Variants in MYPN observed in about 807,000 individuals in gnomAD.
The protein encoded by MYPN is sarcomeric protein myopalladin, 145 kDa (MYOP).
In MYPN, 63 loss-of-function variants were observed where a neutral mutation model predicts 129.4. That is an observed-to-expected ratio of 0.49 (90% CI 0.40 to 0.60). MYPN has a LOEUF of 0.60. MYPN is among the 20% of genes least tolerant of loss of function. The probability of loss-of-function intolerance (pLI) is 0.00; values close to 1 mark genes in which losing one functional copy is unlikely to be tolerated. For missense variants in MYPN, 1,596 were observed against 1,635.4 expected (o/e 0.98, Z 0.42); for synonymous variants, 629 against 600.9 (o/e 1.05, Z -0.68).
intron 12 of MYPN, among the ~76,000 whole-genome samples, chr10:68,180,512 T>A (rs1490545959): frequency 1.3e-5 from 2 of 152,212 alleles, no homozygotes; most frequent in Non-Finnish European, 2.9e-5. Context: ...TAAGAATCCT[T>A]TCTTCTGTCT....
Position 68,141,499 on chromosome 10 carries a change from GTTA to G in MYPN, c.903-1436_903-1434del, listed in dbSNP as rs546800710. ...GCTACTTAATTTTTGACACTTAGTA[GTTA>G]TTATACCTCCCACTTAATTACTTTT... On this transcript the variant is annotated intron_variant, in intron 2 of 19. Coordinates refer to ENST00000358913, the MANE Select transcript of MYPN (RefSeq NM_032578.4). Among the ~76,000 whole-genome samples, 69 of 151,250 alleles carry G rather than the reference GTTA, an allele frequency of 4.6e-4. 2 individuals are homozygous for G. The South Asian group carries it at 0.014, about 31-fold the overall frequency.
chr10:68,119,683 A>T (rs1967082), intron 1 of MYPN, among the ~76,000 whole-genome samples: 70,150 of 152,016 alleles, frequency 0.46, 17,264 homozygotes, highest in African/African-American at 0.64. Context: ...AAGTGCTGGG[A>T]TCATAGGCGT....
rs1241260276 is a variant in MYPN at position 68,204,540 on chromosome 10, G to A, written c.3660-2230G>A. ...AGTTGGAGACCAGCCTGGCCAACAT[G>A]GCAAAACCCTGTCTCTACTATACAA... On this transcript the variant is annotated intron_variant, in intron 18 of 19. Coordinates refer to ENST00000358913, the MANE Select transcript of MYPN (RefSeq NM_032578.4). Among the ~76,000 whole-genome samples the A allele has an allele frequency of 3.3e-5, 5 of 152,046 alleles. No individual in the cohort carries two copies. In the East Asian group the frequency reaches 9.6e-4, roughly 29 times the overall value.
At chr10:68,156,879 GT>G (rs2042884241) in intron 6 of MYPN, among the ~76,000 whole-genome samples, 1 of 152,226 alleles carries the variant, frequency 6.6e-6, no homozygotes, top group South Asian at 2.1e-4. Flanking sequence ...TGCTTACAGA[GT>G]TTGTGGAGGA....
intron 8 of MYPN, among the ~76,000 whole-genome samples, chr10:68,163,580 G>T (rs1449071300): frequency 6.6e-6 from 1 of 152,120 alleles, no homozygotes; most frequent in Non-Finnish European, 1.5e-5. Flanking sequence ...AGTGAGCCAA[G>T]ATCACGCCAC....
chr10:68,199,351 G>C lies in MYPN; in HGVS notation c.3286-17G>C. The C allele has an allele frequency of 1.9e-6, 3 of 1,612,896 alleles. No individual in the cohort carries two copies. The highest frequency in any genetic ancestry group is 1.1e-5 in the South Asian group (1 of 91,022). On this transcript the variant is annotated splice_polypyrimidine_tract_variant and intron_variant, in intron 16 of 19. Transcript: ENST00000358913. ...CTGTCATCAGTCATGTGCCTCAGCT[G>C]TTCTGTTGTTTATTAGGTGAGTGGT... is the stretch of plus-strand genomic sequence containing the variant.
intron 11 of MYPN, among the ~76,000 whole-genome samples, chr10:68,175,020 C>T (rs537498984): frequency 6.6e-6 from 1 of 152,116 alleles, no homozygotes; most frequent in South Asian, 2.1e-4. Flanking sequence ...GCCTGTAATC[C>T]CAGCTACTCA....
At chr10:68,203,429 A>G (rs1377955874) in intron 18 of MYPN, among the ~76,000 whole-genome samples, 2 of 151,866 alleles carry the variant, frequency 1.3e-5, no homozygotes, top group Non-Finnish European at 2.9e-5. Context: ...TCTCTAAAAA[A>G]AAAAAATTAA....
Position 68,210,466 on chromosome 10 carries a change from G to C in MYPN, c.*11G>C. ...AGTGATGAACTTTAAGAATGTCTAG[G>C]TACCTGCTGTGTAAGAGAGCGGACT... On this transcript the variant is annotated 3_prime_UTR_variant, in exon 20 of 20. Coordinates refer to ENST00000358913, the MANE Select transcript of MYPN (RefSeq NM_032578.4). The C allele has an allele frequency of 1.2e-6, 2 of 1,613,866 alleles. No individual in the cohort carries two copies. The highest frequency in any genetic ancestry group is 1.7e-6 in the Non-Finnish European group (2 of 1,179,938).
At chr10:68,208,137 C>T (rs2043847167) in intron 19 of MYPN, among the ~76,000 whole-genome samples, 1 of 152,142 alleles carries the variant, frequency 6.6e-6, no homozygotes, top group Non-Finnish European at 1.5e-5. Context: ...AGACATATTT[C>T]TTAACCCAAA....
rs2042742128 is a variant in MYPN, at chr10:68,150,085, A to G, written c.1291A>G (p.Ile431Val). ...CTTGCAGGGATTGGATGGAAAACCT[A>G]TCATTGCAGCTCCTGTGTTTACAAA... ...NYLQGLDGKP[I>V]IAAPVFTKML... The change falls in exon 6 of 20, where the codon ATC (isoleucine) becomes GTC (valine). Residue 431 changes from isoleucine (I) to valine (V), a missense_variant. Physicochemically the swap from Ile to Val is conservative, Grantham distance 29 (BLOSUM62 3). Transcript: ENST00000358913. 1.2e-6 allele frequency: 2 copies of G among 1,613,804 alleles called. No homozygotes were observed.
In MYPN at chr10:68,185,741, T is replaced by A. The variant is rs72795428; in HGVS notation, c.2704-3164T>A. ...TGATTTATTGGTTTACTTCTAAACA[T>A]CCTGGAAAATAAACCCAAATTTATT... On this transcript the variant is annotated intron_variant, in intron 12 of 19. Coordinates refer to ENST00000358913, the MANE Select transcript of MYPN (RefSeq NM_032578.4). Among the ~76,000 whole-genome samples, 879 of 152,300 alleles carry A rather than the reference T, an allele frequency of 5.8e-3. 6 individuals carry two copies. The highest frequency in any genetic ancestry group is 0.01 in the Non-Finnish European group (685 of 68,040).
intron 12 of MYPN, among the ~76,000 whole-genome samples, chr10:68,182,842 T>A (rs2043360395): frequency 6.6e-6 from 1 of 152,164 alleles, no homozygotes. Flanking sequence ...CATTGAGTTC[T>A]CTGTTTTCAT....
upstream of MYPN, among the ~76,000 whole-genome samples, chr10:68,103,266 G>A (rs574739023): frequency 1.3e-5 from 2 of 152,232 alleles, no homozygotes; most frequent in African/African-American, 4.8e-5. Context: ...CTCTTCCTCT[G>A]TACTCTTTCC....
intron 8 of MYPN, 105 bp from the exon 9 acceptor site, chr10:68,165,597 C>A: frequency 1.1e-6 from 1 of 901,234 alleles, no homozygotes. Flanking sequence ...TTAATATAGC[C>A]AGCTTTTTAT....
In MYPN at chr10:68,211,484, T is replaced by G. The variant is rs1239256862; in HGVS notation, c.*1029T>G. ...GGAGAGGTCTTTAATAGCTTTGAAA[T>G]GCTTTGAGATCATTGGTCAAATTGC... On this transcript the variant is annotated 3_prime_UTR_variant, in exon 20 of 20. Transcript: ENST00000358913. The G allele has an allele frequency of 2.2e-6, 1 of 453,990 alleles. No homozygotes were observed. Among genetic ancestry groups the G allele is most frequent in the Admixed American group, 2.4e-5 (1 of 42,552 alleles). 28.1% of individuals were successfully genotyped at this position (453,990 alleles called of 1,614,324 possible).
chr10:68,139,999 T>C (rs879757495), intron 2 of MYPN, among the ~76,000 whole-genome samples: 1 of 152,116 alleles, frequency 6.6e-6, no homozygotes. Context: ...GAGGGTAATG[T>C]GCTGGAATGA....
rs76474068 is a variant in MYPN, at chr10:68,177,776, A to G, written c.2703+2315A>G. Among the ~76,000 whole-genome samples the G allele has an allele frequency of 1.1e-4, 16 of 152,324 alleles. No individual in the cohort carries two copies. In the East Asian group the frequency reaches 2.9e-3, roughly 28 times the overall value. On this transcript the variant is annotated intron_variant, in intron 12 of 19. Transcript: ENST00000358913. ...GAAAATAATCTGTGTTCTCATTCCC[A>G]TATTAGCCTACACATGTGGGAATGG...
At chr10:68,165,596 C>A in intron 8 of MYPN, 106 bp from the exon 9 acceptor site, 3 of 895,986 alleles carry the variant, frequency 3.3e-6, no homozygotes, top group Admixed American at 3.6e-5. Context: ...ATTAATATAG[C>A]CAGCTTTTTA....
Sources: gnomAD v4.1 joint callset for allele counts (sites outside exome capture counted in the v4.1 genomes callset) on GRCh38, gnomAD v4.1.1 for gene constraint, MANE v1.5 for transcripts, NCBI Gene and HGNC (gene_info 2026-07-23, HGNC 2026-07-21) for gene names.